SGIP1: variants seen among roughly 807,000 people sequenced by gnomAD.
SGIP1 encodes the protein SH3GL interacting endocytic adaptor 1.
In SGIP1, 38 loss-of-function variants were observed where a neutral mutation model predicts 107.5. The observed-to-expected ratio is 0.35, with a 90% CI of 0.27 to 0.46. The LOEUF is 0.46. Among genes scored for constraint, SGIP1 ranks in the 20% least tolerant of loss-of-function variants. The pLI, the probability that SGIP1 is intolerant of heterozygous loss-of-function variation, is 1.00. For synonymous variants in SGIP1, 365 were observed against 366.1 expected (o/e 1.00, Z 0.03); for missense variants, 929 against 1,019.5 (o/e 0.91, Z 1.21).
rs539024288 is a variant in SGIP1, at chr1:66,701,250, G to A, written c.1630+5757G>A. 2.0e-5 allele frequency among the ~76,000 whole-genome samples: 3 copies of A among 152,236 alleles called. No homozygotes were observed. The East Asian group carries it at 5.8e-4, about 29-fold the overall frequency. ...ATTGGAAGATATGACCAATTTTCTG[G>A]GGAGCAATGGCTATGCTAAATTCAC... is the stretch of plus-strand genomic sequence containing the variant. On this transcript the variant is annotated intron_variant, in intron 18 of 24. Transcript: ENST00000371037.
chr1:66,571,468 G>T (rs1400421542), intron 1 of SGIP1, among the ~76,000 whole-genome samples: 1 of 151,930 alleles, frequency 6.6e-6, no homozygotes, highest in African/African-American at 2.4e-5. Flanking sequence ...AACTGATTGT[G>T]GTTGGATAAG....
chr1:66,748,668 C>CA lies in SGIP1; in HGVS notation c.*5579dup, dbSNP rs2094585202. 6.6e-6 allele frequency among the ~76,000 whole-genome samples: 1 copy of CA among 151,700 alleles called. No homozygotes were observed. The highest frequency in any genetic ancestry group is 2.1e-4 in the South Asian group (1 of 4,818). ...TTTATCCTTGTAAAAAATGTTTTGGCAAAAAACAAATATATTTTTAAATGT... is the reference window on the plus strand; with the variant it reads ...TTTATCCTTGTAAAAAATGTTTTGGCAAAAAAACAAATATATTTTTAAATGT... On this transcript the variant is annotated 3_prime_UTR_variant, in exon 25 of 25. Coordinates refer to ENST00000371037, the MANE Select transcript of SGIP1 (RefSeq NM_032291.4).
chr1:66,677,643 C>A (rs1400072221), intron 13 of SGIP1, among the ~76,000 whole-genome samples: 2 of 152,190 alleles, frequency 1.3e-5, no homozygotes, highest in African/African-American at 4.8e-5. Context: ...TCCAGCATGA[C>A]CCAGGCGTCT....
At chr1:66,613,975 T>A (rs1468242825) in intron 1 of SGIP1, among the ~76,000 whole-genome samples, 1 of 152,208 alleles carries the variant, frequency 6.6e-6, no homozygotes, top group African/African-American at 2.4e-5. Context: ...CTCCAGAGCT[T>A]GGATGACTCT....
intron 19 of SGIP1, among the ~76,000 whole-genome samples, chr1:66,728,600 G>A (rs769478928): frequency 3.9e-5 from 6 of 152,086 alleles, no homozygotes; most frequent in African/African-American, 4.8e-5. Flanking sequence ...TCCCATTACC[G>A]GTTATATTCC....
intron 18 of SGIP1, among the ~76,000 whole-genome samples, chr1:66,711,100 CT>C (rs2092886497): frequency 6.6e-6 from 1 of 152,114 alleles, no homozygotes; most frequent in South Asian, 2.1e-4. Context: ...GTAGCTTAAA[CT>C]TTGTTAATAA....
intron 7 of SGIP1, among the ~76,000 whole-genome samples, chr1:66,649,926 C>T (rs1328197623): frequency 6.6e-6 from 1 of 152,136 alleles, no homozygotes; most frequent in Non-Finnish European, 1.5e-5. Context: ...AAACCCAGTG[C>T]CTTGGTTTCT....
chr1:66,541,635 G>T (rs2054977909), intron 1 of SGIP1, among the ~76,000 whole-genome samples: 1 of 152,058 alleles, frequency 6.6e-6, no homozygotes, highest in Admixed American at 6.6e-5. Flanking sequence ...TTTATTTTTG[G>T]TTCATATCCA....
intron 1 of SGIP1, among the ~76,000 whole-genome samples, chr1:66,554,853 T>C (rs2057957938): frequency 6.6e-6 from 1 of 152,116 alleles, no homozygotes; most frequent in African/African-American, 2.4e-5. Flanking sequence ...TGCTACCGAT[T>C]TTTAACATAT....
intron 2 of SGIP1, among the ~76,000 whole-genome samples, chr1:66,632,849 T>G (rs1292542871): frequency 4.6e-5 from 7 of 152,182 alleles, no homozygotes; most frequent in Non-Finnish European, 1.0e-4. Flanking sequence ...GGCTTTGGGC[T>G]GCAATTTTTT....
At chr1:66,572,939 A>C (rs2060576998) in intron 1 of SGIP1, among the ~76,000 whole-genome samples, 1 of 152,142 alleles carries the variant, frequency 6.6e-6, no homozygotes, top group African/African-American at 2.4e-5. Context: ...TATTGTGTCA[A>C]GTGAAAGGAC....
At position 66,670,071 on chromosome 1, in the gene SGIP1, T is replaced by C. The variant is rs564944149; in HGVS notation, c.484-924T>C. ...TCAGCTTTTGGAATGCTTTCTTATA[T>C]GTACTTCAGCTTTCCCTGTCCTCAA... On this transcript the variant is annotated intron_variant, in intron 9 of 24. Coordinates refer to ENST00000371037, the MANE Select transcript of SGIP1 (RefSeq NM_032291.4). Among the ~76,000 whole-genome samples the C allele has an allele frequency of 9.8e-5, 15 of 152,304 alleles. No individual in the cohort carries two copies. In the South Asian group the frequency reaches 2.5e-3, roughly 25 times the overall value.
chr1:66,714,336 C>A (rs1411129521), intron 18 of SGIP1, among the ~76,000 whole-genome samples: 2 of 152,098 alleles, frequency 1.3e-5, no homozygotes, highest in Non-Finnish European at 2.9e-5. Context: ...TTTATTAAAT[C>A]AACTAATAGC....
chr1:66,640,113 G>C (rs1451273898), intron 5 of SGIP1, among the ~76,000 whole-genome samples: 1 of 152,116 alleles, frequency 6.6e-6, no homozygotes, highest in Admixed American at 6.6e-5. Context: ...TGTGGCCCAA[G>C]ACGATTCTTC....
chr1:66,719,160 T>C, intron 18 of SGIP1, 134 bp from the exon 19 acceptor site: 4 of 564,646 alleles, frequency 7.1e-6, no homozygotes, highest in Non-Finnish European at 1.3e-5. Context: ...TATACAGAGT[T>C]ACGGTTCTTA....
intron 1 of SGIP1, among the ~76,000 whole-genome samples, chr1:66,586,335 A>G (rs1382484290): frequency 6.6e-6 from 1 of 152,132 alleles, no homozygotes; most frequent in African/African-American, 2.4e-5. Context: ...ACTTACTTAC[A>G]CTTAATATAA....
chr1:66,556,703 G>A (rs75548392), intron 1 of SGIP1, among the ~76,000 whole-genome samples: 2,078 of 151,698 alleles, frequency 0.014, 59 homozygotes, highest in African/African-American at 0.047. Flanking sequence ...ATGCCAACTG[G>A]ACCCTGTTCA....
chr1:66,650,172 A>T (rs1278738363), intron 7 of SGIP1, among the ~76,000 whole-genome samples: 2 of 152,174 alleles, frequency 1.3e-5, no homozygotes, highest in African/African-American at 4.8e-5. Context: ...CCAAAGCATC[A>T]AACTGGGAAA....
Position 66,557,387 on chromosome 1 carries a change from G to T in SGIP1, c.10+23019G>T, listed in dbSNP as rs114248792. 1.5e-3 allele frequency among the ~76,000 whole-genome samples: 229 copies of T among 152,264 alleles called. 1 individual carries two copies. Among genetic ancestry groups the T allele is most frequent in the African/African-American group, 5.4e-3 (226 of 41,580 alleles). On this transcript the variant is annotated intron_variant, in intron 1 of 24. Coordinates refer to ENST00000371037, the MANE Select transcript of SGIP1 (RefSeq NM_032291.4). ...ATTTTCTGCAAAAGGTTAATTGGAT[G>T]TGATGCTTGAAAATGTGAAAATTGC...
Sources: allele counts gnomAD v4.1 joint callset (sites outside exome capture counted in the v4.1 genomes callset), GRCh38; gene constraint gnomAD v4.1.1; transcripts MANE v1.5; gene names NCBI Gene and HGNC (gene_info 2026-07-23, HGNC 2026-07-21).